The following BANK1 variants were observed in gnomAD, a reference collection of about 807,000 sequenced individuals.
BANK1 encodes B-cell scaffold protein with ankyrin repeats.
In BANK1, 95 loss-of-function variants were observed where a neutral mutation model predicts 94.5. That is an observed-to-expected ratio of 1.00 (90% CI 0.85 to 1.19). The LOEUF (loss-of-function observed/expected upper bound fraction) is 1.19. BANK1 is among the 50% of genes most tolerant of loss of function. BANK1 has a pLI of 0.00. For missense variants in BANK1, 987 were observed against 932.2 expected, an observed-to-expected ratio of 1.06 and a Z score of -0.77; for synonymous variants, 334 against 308.4, an observed-to-expected ratio of 1.08 and a Z score of -0.87.
At chr4:102,002,416 A>G (rs947456926) in intron 7 of BANK1, among the ~76,000 whole-genome samples, 1 of 151,922 alleles carries the variant, frequency 6.6e-6, no homozygotes, top group African/African-American at 2.4e-5. Flanking sequence ...AGTTTTGAAG[A>G]AAAAAAATGT....
At chr4:101,908,666 C>G (rs559921986) in intron 6 of BANK1, among the ~76,000 whole-genome samples, 9 of 152,066 alleles carry the variant, frequency 5.9e-5, no homozygotes, top group Non-Finnish European at 1.0e-4. Flanking sequence ...ATCTGACAAA[C>G]GGTTAATATC....
At chr4:101,970,021 A>G (rs1241505845) in intron 7 of BANK1, among the ~76,000 whole-genome samples, 2 of 152,174 alleles carry the variant, frequency 1.3e-5, no homozygotes, top group Non-Finnish European at 2.9e-5. Flanking sequence ...GCCTCTGCAA[A>G]GTCAGTAAGA....
At chr4:102,016,775 C>T (rs568918170) in intron 7 of BANK1, among the ~76,000 whole-genome samples, 1 of 152,166 alleles carries the variant, frequency 6.6e-6, no homozygotes, top group Admixed American at 6.5e-5. Context: ...TAACTGTTTT[C>T]TTCTAATATC....
intron 15 of BANK1, 45 bp downstream of exon 15, chr4:102,072,445 C>T (rs749720557): frequency 8.5e-6 from 12 of 1,419,818 alleles, no homozygotes; most frequent in East Asian, 2.3e-5. Context: ...AAAGAAATAA[C>T]TTCGTTAAAA....
In BANK1 at chr4:101,803,552, CAG is replaced by C. The variant is rs1725427124; in HGVS notation, c.70+12606_70+12607del. Among the ~76,000 whole-genome samples, 3 of 152,102 alleles carry C rather than the reference CAG, an allele frequency of 2.0e-5. 1 individual carries two copies. In the South Asian group the frequency reaches 6.2e-4, roughly 32 times the overall value. On this transcript the variant is annotated intron_variant, in intron 1 of 16. Transcript: ENST00000322953. ...AATGAAATAGAAGTAGGAAAGCACA[CAG>C]AGAATTGTAAATACAGTTGACTCTT... is the stretch of plus-strand genomic sequence containing the variant.
intron 11 of BANK1, among the ~76,000 whole-genome samples, chr4:102,052,254 A>T (rs1728078464): frequency 6.6e-6 from 1 of 150,952 alleles, no homozygotes; most frequent in South Asian, 2.1e-4. Context: ...AGTAGCTGGG[A>T]CTACAGGCGT....
chr4:101,869,713 A>T (rs1009535038), intron 4 of BANK1, among the ~76,000 whole-genome samples: 1 of 151,970 alleles, frequency 6.6e-6, no homozygotes, highest in Non-Finnish European at 1.5e-5. Flanking sequence ...AATTTGGGAA[A>T]TATCTCAATG....
chr4:102,031,093 C>T (rs1047730633), intron 10 of BANK1, among the ~76,000 whole-genome samples: 74 of 152,298 alleles, frequency 4.9e-4, no homozygotes, highest in African/African-American at 1.6e-3. Flanking sequence ...ACATCCTCAC[C>T]AGCATCTGTT....
intron 1 of BANK1, among the ~76,000 whole-genome samples, chr4:101,826,584 G>T (rs908284347): frequency 1.3e-5 from 2 of 151,680 alleles, no homozygotes; most frequent in African/African-American, 2.4e-5. Flanking sequence ...TCCTCCTACC[G>T]TTCCTCAAAC....
intron 5 of BANK1, among the ~76,000 whole-genome samples, chr4:101,892,771 T>G (rs1053101378): frequency 3.9e-5 from 6 of 151,984 alleles, no homozygotes; most frequent in Non-Finnish European, 8.8e-5. Context: ...TTGCACAATT[T>G]ATTATAAGAA....
At chr4:102,007,088 AT>A (rs1726298959) in intron 7 of BANK1, among the ~76,000 whole-genome samples, 1 of 100,680 alleles carries the variant, frequency 9.9e-6, no homozygotes, top group African/African-American at 4.2e-5. Flanking sequence ...ATAAATATAT[AT>A]ATAATATATT....
intron 4 of BANK1, among the ~76,000 whole-genome samples, chr4:101,867,774 A>G (rs1728131534): frequency 6.6e-6 from 1 of 150,442 alleles, no homozygotes; most frequent in Admixed American, 6.6e-5. Flanking sequence ...ATATAAATAA[A>G]TAAATAAATA....
At chr4:102,006,287 C>A (rs1335157948) in intron 7 of BANK1, among the ~76,000 whole-genome samples, 1 of 151,986 alleles carries the variant, frequency 6.6e-6, no homozygotes, top group African/African-American at 2.4e-5. Context: ...TCTCATGTTT[C>A]TCCCTCATGG....
At position 102,071,274 on chromosome 4, in the gene BANK1, G is replaced by A; in HGVS notation, c.2213-1G>A. 2 of 1,613,726 alleles carry A rather than the reference G, an allele frequency of 1.2e-6. No homozygotes were observed. The highest frequency in any genetic ancestry group is 1.7e-6 in the Non-Finnish European group (2 of 1,179,760). Reference sequence around the variant, plus strand: ...AGAACATGCTTTTTTTTGTCTTCCAGATAAACTCACCATTGTGCACCATCC... The same window carrying A: ...AGAACATGCTTTTTTTTGTCTTCCAAATAAACTCACCATTGTGCACCATCC... On this transcript the variant is annotated splice_acceptor_variant, in intron 13 of 16. Coordinates refer to ENST00000322953, the MANE Select transcript of BANK1 (RefSeq NM_017935.5). LOFTEE classifies it high-confidence loss of function.
intron 9 of BANK1, among the ~76,000 whole-genome samples, chr4:102,028,700 A>G (rs1727182751): frequency 6.6e-6 from 1 of 152,198 alleles, no homozygotes; most frequent in Non-Finnish European, 1.5e-5. Flanking sequence ...AGCATATTAT[A>G]TCTGTTATTA....
intron 1 of BANK1, among the ~76,000 whole-genome samples, chr4:101,803,841 CA>C (rs1444880885): frequency 1.3e-5 from 2 of 149,268 alleles, no homozygotes; most frequent in Admixed American, 1.3e-4. Flanking sequence ...ACTAAAAATA[CA>C]AAAAAATTAG....
At chr4:102,046,548 G>C (rs1341973722) in intron 11 of BANK1, among the ~76,000 whole-genome samples, 1 of 152,086 alleles carries the variant, frequency 6.6e-6, no homozygotes, top group African/African-American at 2.4e-5. Context: ...GGTAGGAGTG[G>C]CAAATGATTT....
At chr4:101,980,030 A>C (rs1043268230) in intron 7 of BANK1, among the ~76,000 whole-genome samples, 15 of 151,864 alleles carry the variant, frequency 9.9e-5, no homozygotes, top group African/African-American at 3.4e-4. Context: ...TCATTTTGAA[A>C]AATTCTCTAG....
At chr4:101,816,000 C>T (rs1243636555) in intron 1 of BANK1, among the ~76,000 whole-genome samples, 1 of 151,936 alleles carries the variant, frequency 6.6e-6, no homozygotes, top group Admixed American at 6.6e-5. Context: ...ATGTTTTTTC[C>T]TTGAAATGAA....
Sources: gnomAD v4.1 joint callset for allele counts (sites outside exome capture counted in the v4.1 genomes callset) on GRCh38, gnomAD v4.1.1 for gene constraint, MANE v1.5 for transcripts, NCBI Gene and HGNC (gene_info 2026-07-23, HGNC 2026-07-21) for gene names.